ASB5: variants seen among roughly 807,000 people sequenced by gnomAD.
ASB5 encodes the protein ankyrin repeat and SOCS box protein 5.
A neutral mutation model predicts 42.1 loss-of-function variants in ASB5; 45 were observed. That is an observed-to-expected ratio of 1.07 (90% CI 0.84 to 1.37). The LOEUF (loss-of-function observed/expected upper bound fraction) is 1.37. ASB5 is among the 40% of genes most tolerant of loss of function. The probability of loss-of-function intolerance (pLI) is 0.00; values close to 1 mark genes in which losing one functional copy is unlikely to be tolerated. For missense variants in ASB5, 402 were observed against 399.8 expected (o/e 1.01, Z -0.05); for synonymous variants, 147 against 150.6 (o/e 0.98, Z 0.18).
At chr4:176,222,255 C>G (rs1753234964) in intron 3 of ASB5, 58 bp downstream of exon 3, 4 of 1,445,650 alleles carry the variant, frequency 2.8e-6, no homozygotes, top group Non-Finnish European at 3.9e-6. Context: ...AATGAGAACT[C>G]TGTTGGATTC....
At chr4:176,226,135 G>A (rs1331622647) in intron 1 of ASB5, among the ~76,000 whole-genome samples, 1 of 152,200 alleles carries the variant, frequency 6.6e-6, no homozygotes, top group East Asian at 1.9e-4. Flanking sequence ...GTCTGTGAGG[G>A]TGTTTCCAGA....
At chr4:176,259,361 G>C (rs1037313189) in intron 1 of ASB5, among the ~76,000 whole-genome samples, 1 of 152,130 alleles carries the variant, frequency 6.6e-6, no homozygotes, top group Non-Finnish European at 1.5e-5. Context: ...ACTTTTACTT[G>C]ATGAATGACG....
In ASB5 at chr4:176,269,093, C is replaced by T. The variant is rs774259355; in HGVS notation, c.16G>A (p.Glu6Lys). The T allele has an allele frequency of 6.2e-7, 1 of 1,610,202 alleles. No homozygotes were observed. The highest frequency in any genetic ancestry group is 1.1e-5 in the South Asian group (1 of 90,550). ...AATTGTTGAGCAAACGGCCGATTTT[C>T]TTCTAACACCGACATTGCTGCAGAA... MSVLE[E>K]NRPFAQQLSN... is the part of the protein sequence containing the mutation. The change falls in exon 1 of 7, where the codon GAA becomes AAA. Residue 6 changes from glutamate to lysine, a missense_variant. Physicochemically the swap from Glu to Lys is moderately conservative, Grantham distance 56 (BLOSUM62 1). Transcript: ENST00000296525.
intron 1 of ASB5, among the ~76,000 whole-genome samples, 179 bp from the exon 2 acceptor site, chr4:176,225,520 G>A (rs1281182319): frequency 2.0e-5 from 3 of 152,132 alleles, no homozygotes; most frequent in Non-Finnish European, 4.4e-5. Flanking sequence ...GAACCAGATA[G>A]GCAGTTCCCA....
chr4:176,272,962 T>TTTTTC (rs397758925), upstream of ASB5, among the ~76,000 whole-genome samples: 2 of 115,998 alleles, frequency 1.7e-5, no homozygotes, highest in Non-Finnish European at 3.9e-5. Context: ...TTTTTTTTTT[T>TTTTTC]CTTGAGACAG....
At chr4:176,266,191 A>G (rs1043203949) in intron 1 of ASB5, among the ~76,000 whole-genome samples, 2 of 152,210 alleles carry the variant, frequency 1.3e-5, no homozygotes, top group African/African-American at 4.8e-5. Context: ...ACACCAAAGT[A>G]CTACTGCTCA....
chr4:176,264,710 G>C (rs1173571581), intron 1 of ASB5, among the ~76,000 whole-genome samples: 1 of 152,062 alleles, frequency 6.6e-6, no homozygotes, highest in African/African-American at 2.4e-5. Flanking sequence ...CTTGACCTGT[G>C]TGGCTAATCA....
intron 1 of ASB5, among the ~76,000 whole-genome samples, chr4:176,258,731 T>A (rs1291090403): frequency 6.6e-6 from 1 of 152,218 alleles, no homozygotes. Context: ...AGAACCAGGT[T>A]TGTAGTCATT....
At position 176,240,572 on chromosome 4, in the gene ASB5, G is replaced by A. The variant is rs548935260; in HGVS notation, c.197-15231C>T. On this transcript the variant is annotated intron_variant, in intron 1 of 6. Coordinates refer to ENST00000296525, the MANE Select transcript of ASB5 (RefSeq NM_080874.4). ...TGTTTCAAACTGGAAGGTTGAAATCGAAGAGGCATTATGACAGAAAGCTAC... is the reference window on the plus strand; with the variant it reads ...TGTTTCAAACTGGAAGGTTGAAATCAAAGAGGCATTATGACAGAAAGCTAC... 2.2e-3 allele frequency among the ~76,000 whole-genome samples: 337 copies of A among 152,278 alleles called. 2 individuals are homozygous for A. Among genetic ancestry groups the A allele is most frequent in the African/African-American group, 7.7e-3 (322 of 41,568 alleles).
chr4:176,248,270 G>A (rs1323745282), intron 1 of ASB5, among the ~76,000 whole-genome samples: 1 of 152,062 alleles, frequency 6.6e-6, no homozygotes, highest in African/African-American at 2.4e-5. Context: ...TGGGTCTACA[G>A]GTGCACACTA....
At chr4:176,227,525 G>A (rs192054306) in intron 1 of ASB5, among the ~76,000 whole-genome samples, 25 of 152,230 alleles carry the variant, frequency 1.6e-4, no homozygotes, top group African/African-American at 5.3e-4. Flanking sequence ...AGCAGAGAAC[G>A]CTTACACAGT....
chr4:176,221,973 T>G (rs970501430), intron 3 of ASB5, among the ~76,000 whole-genome samples: 1 of 152,194 alleles, frequency 6.6e-6, no homozygotes, highest in Admixed American at 6.5e-5. Flanking sequence ...GTGGTAAAAT[T>G]GGTAGTTCTA....
chr4:176,234,805 T>A (rs1753643946), intron 1 of ASB5, among the ~76,000 whole-genome samples: 1 of 152,202 alleles, frequency 6.6e-6, no homozygotes, highest in African/African-American at 2.4e-5. Context: ...TTTTTTACAC[T>A]GCTAAGTTTC....
At position 176,215,729 on chromosome 4, in the gene ASB5, T is replaced by C. The variant is rs1471174296; in HGVS notation, c.863-2A>G. On this transcript the variant is annotated splice_acceptor_variant, in intron 6 of 6. Coordinates refer to ENST00000296525, the MANE Select transcript of ASB5 (RefSeq NM_080874.4). LOFTEE classifies it high-confidence loss of function. ...GTTGGTAAAGAGAGCTTGGGGTAGC[T>C]ACAAGAAGACATGAATCTATTTGTT... 1 of 1,607,946 alleles carries C rather than the reference T, an allele frequency of 6.2e-7. No individual in the cohort carries two copies. Among genetic ancestry groups the C allele is most frequent in the South Asian group, 1.1e-5 (1 of 89,836 alleles).
intron 1 of ASB5, chr4:176,241,439 G>C: frequency 6.6e-7 from 1 of 1,516,908 alleles, no homozygotes; most frequent in Non-Finnish European, 8.8e-7. Flanking sequence ...TCATCACAGA[G>C]AAATCCTAAG....
chr4:176,227,587 T>C (rs1210172514), intron 1 of ASB5, among the ~76,000 whole-genome samples: 1 of 152,182 alleles, frequency 6.6e-6, no homozygotes, highest in Non-Finnish European at 1.5e-5. Flanking sequence ...AATTTACTTG[T>C]TTTATCCTCA....
At chr4:176,222,946 T>TC (rs946569669) in intron 2 of ASB5, among the ~76,000 whole-genome samples, 4 of 150,494 alleles carry the variant, frequency 2.7e-5, no homozygotes, top group Non-Finnish European at 5.9e-5. Flanking sequence ...CCGGGCTAAT[T>TC]TTTTTGTATT....
At chr4:176,232,381 C>G (rs1461999914) in intron 1 of ASB5, among the ~76,000 whole-genome samples, 1 of 152,078 alleles carries the variant, frequency 6.6e-6, no homozygotes, top group Non-Finnish European at 1.5e-5. Context: ...GCCTCGGCCT[C>G]CCAAAGTGCT....
chr4:176,277,454 A>G (rs1195769162), exon 1 of ASB5: 1 of 152,158 alleles, frequency 6.6e-6, no homozygotes, highest in Non-Finnish European at 1.5e-5. Context: ...CAGTTTTTCA[A>G]GCAATCGATT....
Sources: gnomAD v4.1 joint callset for allele counts (sites outside exome capture counted in the v4.1 genomes callset) on GRCh38, gnomAD v4.1.1 for gene constraint, MANE v1.5 for transcripts, NCBI Gene and HGNC (gene_info 2026-07-23, HGNC 2026-07-21) for gene names.